ABR: variants seen among roughly 807,000 people sequenced by gnomAD.
ABR encodes the protein ABR activator of RhoGEF and GTPase.
ABR carries 35 observed loss-of-function variants against 107.2 expected under a neutral mutation model. The ratio of observed to expected loss-of-function variants is 0.33; its 90% CI spans 0.25 to 0.43. ABR has a LOEUF of 0.43. Ranked by LOEUF, ABR falls within the 20% of genes least tolerant of loss-of-function variation. The pLI is 1.00. For missense variants in ABR, 815 were observed against 1,115.2 expected, an observed-to-expected ratio of 0.73 and a Z score of 3.83; for synonymous variants, 498 against 462.0, an observed-to-expected ratio of 1.08 and a Z score of -1.00.
chr17:1,177,477 A>AC (rs1243795943), intron 1 of ABR, among the ~76,000 whole-genome samples: 1 of 151,758 alleles, frequency 6.6e-6, no homozygotes, highest in Non-Finnish European at 1.5e-5. Flanking sequence ...GCCCAACAGA[A>AC]CCCCCTAAGA....
At chr17:1,108,923 C>G in intron 2 of ABR, 1 of 1,584,242 alleles carries the variant, frequency 6.3e-7, no homozygotes, top group Non-Finnish European at 8.6e-7. Flanking sequence ...CAGGGCGTGT[C>G]ACGCTCCCAC....
chr17:1,220,715 TA>T (rs1344092359), intron 1 of ABR, among the ~76,000 whole-genome samples: 1 of 152,122 alleles, frequency 6.6e-6, no homozygotes, highest in Admixed American at 6.6e-5. Flanking sequence ...CAGAACAAGC[TA>T]AAAACGAACC....
At chr17:1,173,150 ACCCCCC>A (rs2041794788) in intron 1 of ABR, among the ~76,000 whole-genome samples, 2 of 38,302 alleles carry the variant, frequency 5.2e-5, no homozygotes, top group African/African-American at 2.2e-4. Flanking sequence ...ACCTCAGTCC[ACCCCCC>A]ACACATCACC....
intron 16 of ABR, among the ~76,000 whole-genome samples, chr17:1,021,546 C>T (rs2071637960): frequency 6.6e-6 from 1 of 152,244 alleles, no homozygotes; most frequent in African/African-American, 2.4e-5. Flanking sequence ...TGGCTCACGC[C>T]TGTCATCCCA....
chr17:1,159,806 C>T (rs1186733209), intron 1 of ABR, among the ~76,000 whole-genome samples: 4 of 151,888 alleles, frequency 2.6e-5, no homozygotes, highest in African/African-American at 7.3e-5. Context: ...GTGACACTTA[C>T]GACCATTAAT....
At chr17:1,201,762 T>C (rs1420932123) in intron 1 of ABR, among the ~76,000 whole-genome samples, 3 of 152,048 alleles carry the variant, frequency 2.0e-5, no homozygotes, top group African/African-American at 7.2e-5. Context: ...CTGCAACCTC[T>C]GCCTCCCACG....
intron 2 of ABR, among the ~76,000 whole-genome samples, chr17:1,115,667 G>A (rs1260570096): frequency 6.6e-6 from 1 of 152,274 alleles, no homozygotes; most frequent in Non-Finnish European, 1.5e-5. Flanking sequence ...GCTCACGCCT[G>A]TAATCCCAGC....
At chr17:1,079,716 G>C (rs2036058064) in intron 5 of ABR, among the ~76,000 whole-genome samples, 1 of 144,118 alleles carries the variant, frequency 6.9e-6, no homozygotes, top group African/African-American at 2.5e-5. Context: ...TTGAACCTGG[G>C]AGGCGGAGGT....
At position 1,157,728 on chromosome 17, in the gene ABR, CG is replaced by C. The variant is rs2041105364; in HGVS notation, c.61+21938del. On this transcript the variant is annotated intron_variant, in intron 1 of 22. Transcript: ENST00000302538. The surrounding 1 kb of genome is among the most constrained non-coding windows in gnomAD (Gnocchi z 4.7). ...CAGGCACACCGCTCTCACGCCAATG[CG>C]TGCGGACAGCCTGGTGGGATCAGCA... Among the ~76,000 whole-genome samples, 1 of 152,244 alleles carries C rather than the reference CG, an allele frequency of 6.6e-6. No homozygotes were observed.
chr17:1,143,470 T>TTCCTGGGGGGCAGCTCGC (rs1386666631), intron 1 of ABR, among the ~76,000 whole-genome samples: 1 of 41,250 alleles, frequency 2.4e-5, no homozygotes, highest in African/African-American at 8.7e-5. Flanking sequence ...GGGCAGCTCA[T>TTCCTGGGGGGCAGCTCGC]TCCTGGGGGG....
At chr17:1,226,403 A>G (rs1007301623) in intron 1 of ABR, among the ~76,000 whole-genome samples, 4 of 151,894 alleles carry the variant, frequency 2.6e-5, no homozygotes, top group Non-Finnish European at 4.4e-5. Flanking sequence ...GTGTCTGTGT[A>G]TGCATGTATG....
At chr17:1,044,512 A>G (rs1283119471) in intron 16 of ABR, among the ~76,000 whole-genome samples, 4 of 151,970 alleles carry the variant, frequency 2.6e-5, no homozygotes. Flanking sequence ...TCAGCTGGGC[A>G]TGGTGGTGGG....
chr17:1,011,814 A>G lies in ABR; in HGVS notation c.2101+32T>C. On this transcript the variant is annotated intron_variant, in intron 19 of 22. Transcript: ENST00000302538. This position sits in a 1 kb window ranked among gnomAD's most constrained non-coding sequence, Gnocchi z 4.8. The stretch of plus-strand genomic sequence containing the variant: ...CCCACCAGCCTGCTCAGACACAGCC[A>G]CACCTGCCCCGGCTGGGCCTCCCAG... 1 of 1,548,338 alleles carries G rather than the reference A, an allele frequency of 6.5e-7. No homozygotes were observed. The highest frequency in any genetic ancestry group is 8.8e-7 in the Non-Finnish European group (1 of 1,140,664).
chr17:1,036,975 G>GTTTC (rs1385969362), intron 16 of ABR, among the ~76,000 whole-genome samples: 1 of 152,072 alleles, frequency 6.6e-6, no homozygotes, highest in South Asian at 2.1e-4. Flanking sequence ...AGCTATGTTT[G>GTTTC]TTTCTTTCTT....
chr17:1,180,640 AC>A (rs1214169392), upstream of ABR, among the ~76,000 whole-genome samples: 1 of 151,762 alleles, frequency 6.6e-6, no homozygotes, highest in South Asian at 2.1e-4. Flanking sequence ...CCCCTCCAGG[AC>A]CCCTCCTGGG....
intron 21 of ABR, among the ~76,000 whole-genome samples, chr17:1,008,567 G>A (rs1025346973): frequency 6.6e-6 from 1 of 152,214 alleles, no homozygotes. Context: ...AAATGCTTTC[G>A]GAATTGGTTG....
At chr17:1,182,613 G>A (rs189856646), upstream of ABR, among the ~76,000 whole-genome samples, 7 of 152,072 alleles carry the variant, frequency 4.6e-5, no homozygotes, top group Admixed American at 6.6e-5. Flanking sequence ...TGATCCGCCC[G>A]CCTCGGCCTC....
chr17:1,174,461 G>A (rs1007022947), intron 1 of ABR, among the ~76,000 whole-genome samples: 2 of 152,154 alleles, frequency 1.3e-5, no homozygotes, highest in Non-Finnish European at 1.5e-5. Flanking sequence ...TAGAGAATGT[G>A]GGGCTCAGAT....
intron 1 of ABR, among the ~76,000 whole-genome samples, chr17:1,195,677 G>A (rs1361937293): frequency 3.3e-5 from 5 of 151,324 alleles, no homozygotes; most frequent in Admixed American, 6.6e-5. Flanking sequence ...GGTGGTGGGC[G>A]CCTGTAGTCC....
Sources: gnomAD v4.1 joint callset for allele counts (sites outside exome capture counted in the v4.1 genomes callset) on GRCh38, gnomAD v4.1.1 for gene constraint, Gnocchi (gnomAD v3.1) non-coding constraint, MANE v1.5 for transcripts, NCBI Gene and HGNC (gene_info 2026-07-23, HGNC 2026-07-21) for gene names.